The following PARD3B variants were observed in gnomAD, a reference collection of about 807,000 sequenced individuals.
PARD3B encodes the protein partitioning defective 3 homolog B.
In PARD3B, 103 loss-of-function variants were observed where a neutral mutation model predicts 130.2. That is an observed-to-expected ratio of 0.79 (90% confidence interval 0.67 to 0.93). PARD3B has a LOEUF of 0.93. Ranked by LOEUF, PARD3B falls within the 40% of genes least tolerant of loss-of-function variation. The probability of loss-of-function intolerance (pLI) is 0.00; values close to 1 mark genes in which losing one functional copy is unlikely to be tolerated. For missense variants in PARD3B, 1,609 were observed against 1,499.2 expected (o/e 1.07, Z -1.21); for synonymous variants, 583 against 553.2 (o/e 1.05, Z -0.76).
intron 7 of PARD3B, among the ~76,000 whole-genome samples, chr2:205,120,664 A>G (rs1406578112): frequency 1.3e-5 from 2 of 152,196 alleles, no homozygotes; most frequent in Non-Finnish European, 2.9e-5. Context: ...CTGCTTTGCC[A>G]TCTCGCCATG....
chr2:205,481,250 A>G (rs2049224570), intron 20 of PARD3B, among the ~76,000 whole-genome samples: 1 of 152,192 alleles, frequency 6.6e-6, no homozygotes, highest in Non-Finnish European at 1.5e-5. Flanking sequence ...AAAGGCATAG[A>G]GCAGGGTGTG....
At chr2:204,944,602 A>G (rs1026543972) in intron 2 of PARD3B, among the ~76,000 whole-genome samples, 5 of 152,202 alleles carry the variant, frequency 3.3e-5, no homozygotes, top group African/African-American at 9.6e-5. Context: ...CTAATCAACT[A>G]TTTTATAATT....
intron 2 of PARD3B, among the ~76,000 whole-genome samples, chr2:204,759,360 C>T (rs2040807147): frequency 6.6e-6 from 1 of 152,070 alleles, no homozygotes; most frequent in African/African-American, 2.4e-5. Flanking sequence ...GGCGCACCCA[C>T]AGTTTCATTC....
At position 205,378,102 on chromosome 2, in the gene PARD3B, C is replaced by A. The variant is rs577006970; in HGVS notation, c.2631-22911C>A. On this transcript the variant is annotated intron_variant, in intron 18 of 22. Transcript: ENST00000406610. Reference sequence around the variant, plus strand: ...ATCCACTTTTAGGGTTAAAATATGTCCTTTTCTGAATCACCACCTCACCCC... The same window carrying A: ...ATCCACTTTTAGGGTTAAAATATGTACTTTTCTGAATCACCACCTCACCCC... 3.1e-3 allele frequency among the ~76,000 whole-genome samples: 471 copies of A among 152,196 alleles called. 2 individuals carry two copies. The highest frequency in any genetic ancestry group is 5.6e-3 in the Non-Finnish European group (378 of 67,996).
chr2:204,613,996 G>T (rs993428858), intron 1 of PARD3B, among the ~76,000 whole-genome samples: 1 of 151,916 alleles, frequency 6.6e-6, no homozygotes, highest in African/African-American at 2.4e-5. Flanking sequence ...TTCCCTGTGA[G>T]GTAATTCTGT....
chr2:204,820,218 G>A (rs566796100), intron 2 of PARD3B, among the ~76,000 whole-genome samples: 17 of 151,758 alleles, frequency 1.1e-4, no homozygotes, highest in Non-Finnish European at 2.2e-4. Context: ...TGGGATAACA[G>A]GCGTACACCA....
intron 19 of PARD3B, among the ~76,000 whole-genome samples, chr2:205,432,603 A>G (rs571545025): frequency 1.6e-4 from 25 of 152,152 alleles, no homozygotes; most frequent in African/African-American, 5.5e-4. Context: ...CTTCTTCTTC[A>G]AGCCTTTTAT....
chr2:205,040,121 G>A (rs1055646478), intron 3 of PARD3B, among the ~76,000 whole-genome samples: 1 of 151,822 alleles, frequency 6.6e-6, no homozygotes, highest in Non-Finnish European at 1.5e-5. Context: ...ATGCCACCAT[G>A]CCCAGCTAAT....
intron 20 of PARD3B, among the ~76,000 whole-genome samples, chr2:205,491,487 A>G (rs1378491380): frequency 6.6e-6 from 1 of 152,186 alleles, no homozygotes; most frequent in Non-Finnish European, 1.5e-5. Flanking sequence ...TGGTACCAGT[A>G]CCATACTGTT....
At chr2:204,844,549 C>A (rs1269508767) in intron 2 of PARD3B, among the ~76,000 whole-genome samples, 2 of 152,058 alleles carry the variant, frequency 1.3e-5, no homozygotes, top group African/African-American at 4.8e-5. Context: ...CTGCTAAATT[C>A]AAATAAAAGT....
chr2:205,389,816 A>G (rs1164269221), intron 18 of PARD3B, among the ~76,000 whole-genome samples: 2 of 152,222 alleles, frequency 1.3e-5, no homozygotes, highest in African/African-American at 2.4e-5. Context: ...TGAGATAGAC[A>G]TCATGTTTTT....
At chr2:205,529,898 G>A (rs552581603) in intron 21 of PARD3B, among the ~76,000 whole-genome samples, 13 of 152,276 alleles carry the variant, frequency 8.5e-5, no homozygotes, top group Non-Finnish European at 1.5e-4. Flanking sequence ...TCACTGACAG[G>A]TCCATGCCCG....
intron 20 of PARD3B, among the ~76,000 whole-genome samples, chr2:205,497,831 C>A (rs565882636): frequency 5.9e-5 from 9 of 152,094 alleles, no homozygotes; most frequent in Admixed American, 2.0e-4. Flanking sequence ...AGTTAAAGTA[C>A]CAAAATTTGT....
intron 15 of PARD3B, among the ~76,000 whole-genome samples, chr2:205,203,493 G>A (rs950003417): frequency 6.6e-6 from 1 of 150,606 alleles, no homozygotes; most frequent in African/African-American, 2.5e-5. Context: ...TGGGATACAT[G>A]TGGAGAACAT....
At chr2:204,659,882 G>T (rs1230375308) in intron 1 of PARD3B, among the ~76,000 whole-genome samples, 1 of 152,144 alleles carries the variant, frequency 6.6e-6, no homozygotes, top group African/African-American at 2.4e-5. Context: ...CAAAGCCAAG[G>T]TTCCTTTTGA....
Position 205,590,065 on chromosome 2 carries a change from A to G in PARD3B, c.3261-25391A>G, listed in dbSNP as rs1212114933. ...TTTATCCTCTAGTACTTACATTCATACCTATTGGTATGAATATACCAACAC... is the reference window on the plus strand; with the variant it reads ...TTTATCCTCTAGTACTTACATTCATGCCTATTGGTATGAATATACCAACAC... On this transcript the variant is annotated intron_variant, in intron 22 of 22. Coordinates refer to ENST00000406610, the MANE Select transcript of PARD3B (RefSeq NM_001302769.2). This position sits in a 1 kb window ranked among gnomAD's most constrained non-coding sequence, Gnocchi z 4.1. 6.6e-6 allele frequency among the ~76,000 whole-genome samples: 1 copy of G among 152,136 alleles called. No homozygotes were observed. The highest frequency in any genetic ancestry group is 1.9e-4 in the East Asian group (1 of 5,190).
intron 4 of PARD3B, among the ~76,000 whole-genome samples, chr2:205,060,867 A>T (rs1169649210): frequency 6.6e-6 from 1 of 152,144 alleles, no homozygotes; most frequent in African/African-American, 2.4e-5. Context: ...TTCAATTATG[A>T]TGGCAGTTTC....
intron 21 of PARD3B, among the ~76,000 whole-genome samples, chr2:205,543,015 A>G (rs918710365): frequency 4.6e-5 from 7 of 152,216 alleles, no homozygotes; most frequent in African/African-American, 7.2e-5. Context: ...AAAATCTAGC[A>G]TGGAATCTGA....
chr2:204,580,714 C>T (rs1366248000), intron 1 of PARD3B, among the ~76,000 whole-genome samples: 1 of 152,082 alleles, frequency 6.6e-6, no homozygotes, highest in Non-Finnish European at 1.5e-5. Context: ...CACGTATGAC[C>T]TCATTAATTC....
Sources: allele counts gnomAD v4.1 joint callset (sites outside exome capture counted in the v4.1 genomes callset), GRCh38; gene constraint gnomAD v4.1.1; non-coding constraint Gnocchi (gnomAD v3.1); transcripts MANE v1.5; gene names NCBI Gene and HGNC (gene_info 2026-07-23, HGNC 2026-07-21).